The following TSPEAR variants were observed in gnomAD, a reference collection of about 807,000 sequenced individuals.
The protein encoded by TSPEAR is thrombospondin-type laminin G domain and EAR repeat-containing protein.
In TSPEAR, 69 loss-of-function variants were observed where a neutral mutation model predicts 71.6. That is an observed-to-expected ratio of 0.96 (90% CI 0.79 to 1.18). The LOEUF (loss-of-function observed/expected upper bound fraction) is 1.18, where lower values mean the gene tolerates loss of function less well. TSPEAR is among the 50% of genes most tolerant of loss of function. The pLI is 0.00. For synonymous variants in TSPEAR, 402 were observed against 387.2 expected, an observed-to-expected ratio of 1.04 and a Z score of -0.45; for missense variants, 971 against 894.9, an observed-to-expected ratio of 1.09 and a Z score of -1.09.
chr21:44,564,976 GA>G (rs1367226972), intron 2 of TSPEAR, among the ~76,000 whole-genome samples: 1 of 151,286 alleles, frequency 6.6e-6, no homozygotes, highest in Non-Finnish European at 1.5e-5. Context: ...ATCAATAATA[GA>G]AAAAAAACTG....
At chr21:44,512,387 G>A (rs142481766) in intron 9 of TSPEAR, among the ~76,000 whole-genome samples, 2 of 152,190 alleles carry the variant, frequency 1.3e-5, no homozygotes, top group East Asian at 3.9e-4. Flanking sequence ...GAAGGGTGGT[G>A]GTCTTGGAGA....
At chr21:44,574,711 G>C in intron 1 of TSPEAR, 1 of 1,608,940 alleles carries the variant, frequency 6.2e-7, no homozygotes, top group Non-Finnish European at 8.5e-7. Context: ...CAGGGCTGCT[G>C]CGTGCCCGTC....
chr21:44,696,330 CAG>C (rs1298662344), intron 1 of TSPEAR, among the ~76,000 whole-genome samples: 3 of 152,240 alleles, frequency 2.0e-5, no homozygotes, highest in African/African-American at 4.8e-5. Flanking sequence ...TCTGAGGCAG[CAG>C]AGGTTAATGG....
At chr21:44,667,441 G>A (rs187106812) in intron 1 of TSPEAR, among the ~76,000 whole-genome samples, 1 of 152,296 alleles carries the variant, frequency 6.6e-6, no homozygotes, top group East Asian at 1.9e-4. Context: ...GGGACAAAGG[G>A]TGTGGGTCAC....
At chr21:44,536,587 C>T (rs192079367) in intron 2 of TSPEAR, among the ~76,000 whole-genome samples, 90 of 152,306 alleles carry the variant, frequency 5.9e-4, no homozygotes, top group Non-Finnish European at 9.8e-4. Flanking sequence ...GCAAACACTG[C>T]GTGTAGTGGT....
At chr21:44,616,316 C>T (rs1191672594) in intron 1 of TSPEAR, among the ~76,000 whole-genome samples, 5 of 152,198 alleles carry the variant, frequency 3.3e-5, no homozygotes, top group Non-Finnish European at 5.9e-5. Context: ...AGAGATCTTA[C>T]AATTCTTCTT....
chr21:44,550,455 G>A (rs1164619092), intron 2 of TSPEAR: 13 of 701,558 alleles, frequency 1.9e-5, no homozygotes, highest in East Asian at 1.4e-4. Context: ...AGCGACCAGC[G>A]ACCAGCGGAG....
chr21:44,550,586 C>T, intron 2 of TSPEAR: 2 of 1,501,354 alleles, frequency 1.3e-6, no homozygotes, highest in Middle Eastern at 4.9e-4. Flanking sequence ...GTGGCTGGGG[C>T]TGCTCCTTCT....
chr21:44,509,305 C>T lies in TSPEAR; in HGVS notation c.1648G>A (p.Val550Met), dbSNP rs1351734581. The change falls in exon 10 of 12, where the codon GTG becomes ATG. Residue 550 changes from valine to methionine, a missense_variant. By Grantham distance (21) the Val-to-Met change is conservative (BLOSUM62 1). Coordinates refer to ENST00000323084, the MANE Select transcript of TSPEAR (RefSeq NM_144991.3). The part of the protein sequence containing the change: ...LAVANSHSYD[V>M]EMQVQNDSYV... ...GAATCATTCTGGACTTGCATCTCCA[C>T]ATCGTAGCTGTGACTGTTTGCCACA... The T allele has an allele frequency of 1.2e-6, 2 of 1,614,002 alleles. No homozygotes were observed. The highest frequency in any genetic ancestry group is 1.1e-5 in the South Asian group (1 of 91,094).
In TSPEAR at chr21:44,580,568, C is replaced by G. The variant is rs5017208; in HGVS notation, c.83-12563G>C. The G allele has an allele frequency of 7.1e-3, 11,490 of 1,610,776 alleles. 460 individuals carry two copies. The African/African-American group carries it at 0.099, about 14-fold the overall frequency. On this transcript the variant is annotated intron_variant, in intron 1 of 11. Transcript: ENST00000323084. Reference sequence around the variant, plus strand: ...AGCGCTGGAGCAGACGGACATGGTGCACGCGGCCATGCTGGGGTGGGGAAG... The same window carrying G: ...AGCGCTGGAGCAGACGGACATGGTGGACGCGGCCATGCTGGGGTGGGGAAG...
chr21:44,531,364 C>T (rs1555915753), intron 3 of TSPEAR, among the ~76,000 whole-genome samples: 2 of 152,238 alleles, frequency 1.3e-5, no homozygotes, highest in African/African-American at 4.8e-5. Flanking sequence ...TTCCTCGACT[C>T]ATCAGCTTCT....
At chr21:44,663,150 A>G (rs1985586868) in intron 1 of TSPEAR, among the ~76,000 whole-genome samples, 2 of 152,040 alleles carry the variant, frequency 1.3e-5, no homozygotes, top group South Asian at 4.1e-4. Flanking sequence ...GAATTCAATG[A>G]AAGCAAAAGC....
At position 44,553,958 on chromosome 21, in the gene TSPEAR, G is replaced by A. The variant is rs375417094; in HGVS notation, c.303+13827C>T. Among the ~76,000 whole-genome samples the A allele has an allele frequency of 3.0e-4, 45 of 152,266 alleles. 1 individual carries two copies. The East Asian group carries it at 5.4e-3, about 18-fold the overall frequency. ...ATCTTTCTCAAATAAAGATAACAGC[G>A]ATGTATTTTCACAAAAGCAAGAGCT... On this transcript the variant is annotated intron_variant, in intron 2 of 11. Coordinates refer to ENST00000323084, the MANE Select transcript of TSPEAR (RefSeq NM_144991.3).
chr21:44,620,369 A>G (rs1040112584), intron 1 of TSPEAR, among the ~76,000 whole-genome samples: 15 of 152,242 alleles, frequency 9.9e-5, no homozygotes, highest in African/African-American at 3.6e-4. Flanking sequence ...AATATGAATG[A>G]AGAAAGGTCA....
chr21:44,688,742 G>A (rs1284648028), intron 1 of TSPEAR, among the ~76,000 whole-genome samples: 2 of 152,056 alleles, frequency 1.3e-5, no homozygotes, highest in Non-Finnish European at 2.9e-5. Context: ...AGAGAAGGGT[G>A]TGTGTGGACT....
At position 44,654,063 on chromosome 21, in the gene TSPEAR, T is replaced by C. The variant is rs1984970591; in HGVS notation, c.82+57370A>G. The C allele has an allele frequency of 1.2e-5, 7 of 596,706 alleles. No homozygotes were observed. In the Admixed American group the frequency reaches 1.8e-4, roughly 15 times the overall value. 37.0% of individuals were successfully genotyped at this position (596,706 alleles called of 1,614,324 possible). A position where few individuals can be genotyped will look rare whatever the true frequency, so the allele number is the denominator to read the frequency against. ...ACATCAGACAGTGCGGAGGGCCCTG[T>C]GGATGGCCCAGGCTGTGAACCCAGG... is the stretch of plus-strand genomic sequence containing the variant. On this transcript the variant is annotated intron_variant, in intron 1 of 11. Transcript: ENST00000323084.
intron 9 of TSPEAR, among the ~76,000 whole-genome samples, chr21:44,512,232 C>T (rs1052356160): frequency 5.3e-5 from 8 of 151,762 alleles, no homozygotes; most frequent in East Asian, 1.9e-4. Flanking sequence ...CACTGGGGAG[C>T]CGGAGGAGGC....
chr21:44,641,419 C>T (rs1173237985), intron 1 of TSPEAR, among the ~76,000 whole-genome samples: 1 of 152,156 alleles, frequency 6.6e-6, no homozygotes, highest in Non-Finnish European at 1.5e-5. Flanking sequence ...ATTGCTGATA[C>T]AGTGACCCCA....
At chr21:44,602,736 C>CCT (rs1569214255) in intron 1 of TSPEAR, among the ~76,000 whole-genome samples, 1 of 151,786 alleles carries the variant, frequency 6.6e-6, no homozygotes, top group African/African-American at 2.4e-5. Flanking sequence ...ATCGCACACG[C>CCT]AGCGTCCCAG....
Sources: allele counts gnomAD v4.1 joint callset (sites outside exome capture counted in the v4.1 genomes callset), GRCh38; gene constraint gnomAD v4.1.1; transcripts MANE v1.5; gene names NCBI Gene and HGNC (gene_info 2026-07-23, HGNC 2026-07-21).